The following CCSER1 variants were observed in gnomAD, a reference collection of about 807,000 sequenced individuals.
CCSER1 encodes coiled-coil serine rich protein 1.
In CCSER1, 41 loss-of-function variants were observed where a neutral mutation model predicts 82.0. The ratio of observed to expected loss-of-function variants is 0.50; its 90% CI spans 0.39 to 0.65. The LOEUF is 0.65. Ranked by LOEUF, CCSER1 falls within the 30% of genes least tolerant of loss-of-function variation. The pLI, the probability that CCSER1 is intolerant of heterozygous loss-of-function variation, is 0.00. For synonymous variants in CCSER1, 414 were observed against 383.9 expected (o/e 1.08, Z -0.92); for missense variants, 1,119 against 1,064.2 (o/e 1.05, Z -0.72).
chr4:91,137,360 C>A (rs71597229), intron 10 of CCSER1, among the ~76,000 whole-genome samples: 10,588 of 59,424 alleles, frequency 0.18, 871 homozygotes, highest in East Asian at 0.27. Flanking sequence ...TTTATGGCTG[C>A]ATAGTATTCC....
chr4:91,467,686 G>A (rs1757003027), intron 10 of CCSER1, among the ~76,000 whole-genome samples: 1 of 152,142 alleles, frequency 6.6e-6, no homozygotes, highest in African/African-American at 2.4e-5. Flanking sequence ...CAAAAAGTGG[G>A]CAAAGGATAT....
intron 10 of CCSER1, among the ~76,000 whole-genome samples, chr4:91,443,786 G>C (rs1755373855): frequency 1.3e-5 from 2 of 149,094 alleles, no homozygotes; most frequent in Admixed American, 1.3e-4. Flanking sequence ...CAGATAAAAA[G>C]AAAAATGGGA....
chr4:91,177,046 C>T (rs1039404491), intron 10 of CCSER1, among the ~76,000 whole-genome samples: 5 of 152,058 alleles, frequency 3.3e-5, no homozygotes, highest in South Asian at 2.1e-4. Context: ...TGAATTTTGT[C>T]GAAGGCCTTT....
intron 10 of CCSER1, among the ~76,000 whole-genome samples, chr4:91,492,232 C>G (rs907988222): frequency 6.6e-6 from 1 of 152,034 alleles, no homozygotes; most frequent in African/African-American, 2.4e-5. Flanking sequence ...ACCCCACTGT[C>G]TGTAGGAATA....
At chr4:90,634,414 T>C (rs1454374680) in intron 6 of CCSER1, among the ~76,000 whole-genome samples, 2 of 151,784 alleles carry the variant, frequency 1.3e-5, no homozygotes, top group Non-Finnish European at 3.0e-5. Flanking sequence ...ATTTAAGACT[T>C]TCAAGGATAA....
chr4:90,242,104 CA>C (rs1396475164), intron 1 of CCSER1, among the ~76,000 whole-genome samples: 1 of 152,066 alleles, frequency 6.6e-6, no homozygotes, highest in Non-Finnish European at 1.5e-5. Flanking sequence ...GTCAGGAGTT[CA>C]AGACCAGCCT....
chr4:90,841,865 A>G (rs1762616164), intron 8 of CCSER1, among the ~76,000 whole-genome samples: 1 of 152,174 alleles, frequency 6.6e-6, no homozygotes, highest in Non-Finnish European at 1.5e-5. Flanking sequence ...CCAAAGTAAA[A>G]AACTGTGGTT....
intron 10 of CCSER1, among the ~76,000 whole-genome samples, chr4:91,484,131 T>C (rs1479382228): frequency 6.6e-6 from 1 of 152,090 alleles, no homozygotes; most frequent in Non-Finnish European, 1.5e-5. Context: ...CCAGCTGTTT[T>C]AAATTTTTTT....
chr4:90,746,164 T>C (rs191319200), intron 7 of CCSER1, among the ~76,000 whole-genome samples: 1 of 152,334 alleles, frequency 6.6e-6, no homozygotes, highest in East Asian at 1.9e-4. Flanking sequence ...ATTGTAATTA[T>C]GTTTATTTAC....
In CCSER1 at chr4:90,139,908, G is replaced by C. The variant is rs959975253; in HGVS notation, c.-42+12077G>C. ...TCAGAGGAGGAGGTTACAGTGAGCT[G>C]AGATCATGCCACTTGCACTCCAACC... On this transcript the variant is annotated intron_variant, in intron 1 of 10. Coordinates refer to ENST00000509176, the MANE Select transcript of CCSER1 (RefSeq NM_001145065.2). 3.9e-5 allele frequency among the ~76,000 whole-genome samples: 6 copies of C among 152,110 alleles called. No homozygotes were observed. The East Asian group carries it at 1.2e-3, about 29-fold the overall frequency.
intron 10 of CCSER1, among the ~76,000 whole-genome samples, chr4:91,189,238 A>G (rs1262598479): frequency 1.3e-5 from 2 of 152,092 alleles, no homozygotes; most frequent in African/African-American, 2.4e-5. Flanking sequence ...TCATCAAAAA[A>G]TGTTTATGTT....
At chr4:90,682,033 A>G (rs1481525367) in intron 6 of CCSER1, among the ~76,000 whole-genome samples, 1 of 151,534 alleles carries the variant, frequency 6.6e-6, no homozygotes, top group Non-Finnish European at 1.5e-5. Flanking sequence ...TTATGTTTCT[A>G]TATTTTGCTA....
chr4:91,593,100 G>C (rs1246748219), intron 10 of CCSER1, among the ~76,000 whole-genome samples: 3 of 151,942 alleles, frequency 2.0e-5, no homozygotes, highest in Non-Finnish European at 4.4e-5. Context: ...ACAAATTTTG[G>C]CTTTGCACAT....
At chr4:90,342,968 G>T (rs910323604) in intron 3 of CCSER1, among the ~76,000 whole-genome samples, 1 of 151,742 alleles carries the variant, frequency 6.6e-6, no homozygotes, top group Admixed American at 6.6e-5. Context: ...AGGTATTGAT[G>T]TCCTCCAGAT....
At chr4:90,508,323 C>T (rs1560632126) in intron 5 of CCSER1, among the ~76,000 whole-genome samples, 1 of 151,990 alleles carries the variant, frequency 6.6e-6, no homozygotes, top group Non-Finnish European at 1.5e-5. Context: ...CTTGAATGTC[C>T]TTCAACAATC....
At chr4:90,917,265 C>G (rs890687866) in intron 8 of CCSER1, among the ~76,000 whole-genome samples, 1 of 152,110 alleles carries the variant, frequency 6.6e-6, no homozygotes, top group Non-Finnish European at 1.5e-5. Flanking sequence ...GGAACCAAGC[C>G]AAATGTCCAA....
chr4:90,527,704 T>C (rs1773968706), intron 5 of CCSER1, among the ~76,000 whole-genome samples: 1 of 152,110 alleles, frequency 6.6e-6, no homozygotes, highest in South Asian at 2.1e-4. Flanking sequence ...TAATTTAAAT[T>C]GCTAACATAA....
intron 5 of CCSER1, among the ~76,000 whole-genome samples, chr4:90,511,275 G>A (rs1051721733): frequency 4.6e-5 from 7 of 152,128 alleles, no homozygotes; most frequent in East Asian, 3.9e-4. Context: ...AAAACTAGCC[G>A]GGCGTGGTGG....
At chr4:90,943,659 C>A (rs923576830) in intron 9 of CCSER1, among the ~76,000 whole-genome samples, 10 of 151,280 alleles carry the variant, frequency 6.6e-5, no homozygotes, top group East Asian at 3.9e-4. Context: ...ACCTCCTGGG[C>A]TCAAGCAATC....
Sources: gnomAD v4.1 joint callset for allele counts (sites outside exome capture counted in the v4.1 genomes callset) on GRCh38, gnomAD v4.1.1 for gene constraint, MANE v1.5 for transcripts, NCBI Gene and HGNC (gene_info 2026-07-23, HGNC 2026-07-21) for gene names.